Variants in NXPH1 observed in about 807,000 individuals in gnomAD.
The protein encoded by NXPH1 is neurexophilin-1.
Under a neutral mutation model 23.7 loss-of-function variants are expected in NXPH1, and 5 were observed. That is an observed-to-expected ratio of 0.21 (90% confidence interval 0.11 to 0.44). NXPH1 has a LOEUF of 0.44. NXPH1 is among the 20% of genes least tolerant of loss of function. NXPH1 has a pLI of 0.99. For missense variants in NXPH1, 324 were observed against 321.6 expected (o/e 1.01, Z -0.06); for synonymous variants, 144 against 122.2 (o/e 1.18, Z -1.18).
intron 2 of NXPH1, among the ~76,000 whole-genome samples, chr7:8,532,339 TCAAA>T (rs1817960144): frequency 6.6e-6 from 1 of 152,028 alleles, no homozygotes; most frequent in African/African-American, 2.4e-5. Context: ...TCAATCCCGC[TCAAA>T]CAGACACCTT....
chr7:8,679,243 A>G (rs937017381), intron 2 of NXPH1, among the ~76,000 whole-genome samples: 5 of 152,182 alleles, frequency 3.3e-5, no homozygotes, highest in South Asian at 4.1e-4. Context: ...CACCGCGCCC[A>G]GCCTGCTTTA....
At position 8,544,932 on chromosome 7, in the gene NXPH1, G is replaced by A. The variant is rs570877784; in HGVS notation, c.54+109165G>A. Among the ~76,000 whole-genome samples, 9 of 151,632 alleles carry A rather than the reference G, an allele frequency of 5.9e-5. No homozygotes were observed. In the East Asian group the frequency reaches 1.6e-3, roughly 26 times the overall value. On this transcript the variant is annotated intron_variant, in intron 2 of 2. Transcript: ENST00000405863. ...TCTTTTCTTTGATTGCAGAAGCTTA[G>A]GGAAGCTATTTGACCACTTAGTCTA...
chr7:8,507,250 A>G (rs1462701009), intron 2 of NXPH1, among the ~76,000 whole-genome samples: 2 of 151,722 alleles, frequency 1.3e-5, no homozygotes, highest in Non-Finnish European at 2.9e-5. Context: ...ATAATTGAAT[A>G]GGTGGTTGTT....
chr7:8,569,781 A>G (rs1818612164), intron 2 of NXPH1, among the ~76,000 whole-genome samples: 1 of 151,856 alleles, frequency 6.6e-6, no homozygotes, highest in African/African-American at 2.4e-5. Flanking sequence ...AAAAAATGAT[A>G]TTCTGTAGGT....
At chr7:8,627,187 T>G (rs1232293389) in intron 2 of NXPH1, among the ~76,000 whole-genome samples, 2 of 152,120 alleles carry the variant, frequency 1.3e-5, no homozygotes, top group African/African-American at 4.8e-5. Context: ...GCCATTTTTA[T>G]GTATATTTGA....
intron 2 of NXPH1, among the ~76,000 whole-genome samples, chr7:8,730,729 TC>T: frequency 6.6e-6 from 1 of 152,042 alleles, no homozygotes; most frequent in Non-Finnish European, 1.5e-5. Context: ...CTGATGGGCT[TC>T]CCTTTGAGGG....
At chr7:8,647,410 C>T (rs1583213083) in intron 2 of NXPH1, among the ~76,000 whole-genome samples, 1 of 152,186 alleles carries the variant, frequency 6.6e-6, no homozygotes, top group African/African-American at 2.4e-5. Flanking sequence ...TCTGTCCATC[C>T]ATGGTCACAC....
intron 2 of NXPH1, among the ~76,000 whole-genome samples, chr7:8,538,755 A>G (rs530647206): frequency 1.3e-5 from 2 of 152,044 alleles, no homozygotes; most frequent in South Asian, 2.1e-4. Flanking sequence ...AAATATATCA[A>G]TTCAAATGTT....
chr7:8,470,693 C>A (rs1480122550), intron 2 of NXPH1, among the ~76,000 whole-genome samples: 2 of 152,116 alleles, frequency 1.3e-5, no homozygotes, highest in Non-Finnish European at 2.9e-5. Flanking sequence ...ATTTCATAGC[C>A]TGGTTTACAT....
chr7:8,448,637 T>C (rs1273966282), intron 2 of NXPH1, among the ~76,000 whole-genome samples: 1 of 151,956 alleles, frequency 6.6e-6, no homozygotes, highest in African/African-American at 2.4e-5. Context: ...GGCAACATGG[T>C]GAAACCCTGT....
intron 2 of NXPH1, among the ~76,000 whole-genome samples, chr7:8,452,865 T>G (rs184610976): frequency 6.6e-6 from 1 of 152,210 alleles, no homozygotes; most frequent in East Asian, 1.9e-4. Context: ...TGTAAATATA[T>G]TGGCAAAAAT....
chr7:8,484,850 A>T (rs1358936117), intron 2 of NXPH1, among the ~76,000 whole-genome samples: 1 of 152,082 alleles, frequency 6.6e-6, no homozygotes, highest in East Asian at 1.9e-4. Flanking sequence ...GTTATTCTAT[A>T]CTCTATTTAG....
In NXPH1 at chr7:8,598,163, A is replaced by G. The variant is rs75008603; in HGVS notation, c.55-152845A>G. Among the ~76,000 whole-genome samples, 746 of 152,248 alleles carry G rather than the reference A, an allele frequency of 4.9e-3. 1 individual carries two copies. The highest frequency in any genetic ancestry group is 7.3e-3 in the Non-Finnish European group (498 of 68,012). Reference sequence around the variant, plus strand: ...TTTATTGCTATTCATATTGAGGTCAATTATGAGCTGCTGTTTAATGTCACC... The same window carrying G: ...TTTATTGCTATTCATATTGAGGTCAGTTATGAGCTGCTGTTTAATGTCACC... On this transcript the variant is annotated intron_variant, in intron 2 of 2. Coordinates refer to ENST00000405863, the MANE Select transcript of NXPH1 (RefSeq NM_152745.3).
chr7:8,679,072 C>A (rs1325526799), intron 2 of NXPH1, among the ~76,000 whole-genome samples: 1 of 150,990 alleles, frequency 6.6e-6, no homozygotes, highest in Admixed American at 6.6e-5. Flanking sequence ...CTCAACCTCC[C>A]GAGTAGCTGG....
Position 8,435,566 on chromosome 7 carries a change from C to G in NXPH1, c.-110-38C>G. 1.4e-6 allele frequency: 1 copy of G among 710,944 alleles called. No homozygotes were observed. The highest frequency in any genetic ancestry group is 2.5e-6 in the Non-Finnish European group (1 of 394,402). The allele number at this position is 710,944 out of a possible 1,614,324, so 44.0% of individuals were successfully genotyped here. On this transcript the variant is annotated intron_variant, in intron 1 of 2. Transcript: ENST00000405863. This position sits in a 1 kb window ranked among gnomAD's most constrained non-coding sequence, Gnocchi z 5.9. ...CTTGATTGTCAAGCCTAACCTTGCC[C>G]GCGTAGTCATGGGATGTCTAATTTT...
intron 2 of NXPH1, among the ~76,000 whole-genome samples, chr7:8,505,695 G>A (rs1817510443): frequency 6.6e-6 from 1 of 152,022 alleles, no homozygotes; most frequent in Non-Finnish European, 1.5e-5. Flanking sequence ...TTGCATTAAA[G>A]TTTTGCATAC....
chr7:8,437,517 TCA>T (rs1816217813), intron 2 of NXPH1, among the ~76,000 whole-genome samples: 1 of 152,326 alleles, frequency 6.6e-6, no homozygotes, highest in Non-Finnish European at 1.5e-5. Flanking sequence ...TGGGCTGTGC[TCA>T]CACACACGGC....
intron 2 of NXPH1, among the ~76,000 whole-genome samples, chr7:8,735,347 A>G (rs1780230732): frequency 6.6e-6 from 1 of 152,164 alleles, no homozygotes; most frequent in Non-Finnish European, 1.5e-5. Flanking sequence ...AGTTTCTAGC[A>G]TGAAGGGTTG....
intron 2 of NXPH1, among the ~76,000 whole-genome samples, chr7:8,613,456 T>C (rs1428859232): frequency 6.6e-6 from 1 of 152,006 alleles, no homozygotes; most frequent in Non-Finnish European, 1.5e-5. Context: ...CTTAATTTCT[T>C]TCTTTGATTC....
Sources: gnomAD v4.1 joint callset for allele counts (sites outside exome capture counted in the v4.1 genomes callset) on GRCh38, gnomAD v4.1.1 for gene constraint, Gnocchi (gnomAD v3.1) non-coding constraint, MANE v1.5 for transcripts, NCBI Gene and HGNC (gene_info 2026-07-23, HGNC 2026-07-21) for gene names.